DYNC2LI1: variants seen among roughly 807,000 people sequenced by gnomAD.
DYNC2LI1 encodes dynein cytoplasmic 2 light intermediate chain 1, also known as cytoplasmic dynein 2 light intermediate chain 1.
DYNC2LI1 carries 45 observed loss-of-function variants against 51.9 expected under a neutral mutation model. That is an observed-to-expected ratio of 0.87 (90% CI 0.68 to 1.11). DYNC2LI1 has a LOEUF of 1.11. Among genes scored for constraint, DYNC2LI1 ranks in the 50% most tolerant of loss-of-function variants. DYNC2LI1 has a pLI of 0.00. For synonymous variants in DYNC2LI1, 130 were observed against 137.8 expected, an observed-to-expected ratio of 0.94 and a Z score of 0.40; for missense variants, 490 against 417.4, an observed-to-expected ratio of 1.17 and a Z score of -1.51.
At chr2:43,788,610 CT>C (rs1481658749) in intron 4 of DYNC2LI1, among the ~76,000 whole-genome samples, 1 of 152,084 alleles carries the variant, frequency 6.6e-6, no homozygotes, top group African/African-American at 2.4e-5. Context: ...ATCAGTGGTC[CT>C]TTTTCTTTTC....
chr2:43,820,163 C>T, the DYNC2LI1 span: 1 of 1,541,260 alleles, frequency 6.5e-7, no homozygotes, highest in Non-Finnish European at 8.8e-7. Context: ...AAATACTGCA[C>T]TTGCCTCTGT....
chr2:43,780,295 C>T (rs1673218452), intron 2 of DYNC2LI1, among the ~76,000 whole-genome samples: 1 of 152,156 alleles, frequency 6.6e-6, no homozygotes, highest in African/African-American at 2.4e-5. Flanking sequence ...GGGAAAAGGC[C>T]TCCATTGGGA....
At chr2:43,794,780 T>G (rs1673959045) in intron 6 of DYNC2LI1, 137 bp downstream of exon 6, 2 of 1,511,088 alleles carry the variant, frequency 1.3e-6, no homozygotes, top group Non-Finnish European at 1.8e-6. Flanking sequence ...CACTGGAAAA[T>G]TACAGCAATT....
chr2:43,806,263 A>C (rs1481802113), intron 12 of DYNC2LI1, among the ~76,000 whole-genome samples: 1 of 152,170 alleles, frequency 6.6e-6, no homozygotes, highest in Non-Finnish European at 1.5e-5. Context: ...ATCTGTCCTT[A>C]TATGAGTAAA....
Position 43,809,994 on chromosome 2 carries a change from C to T in DYNC2LI1, c.*227C>T. On this transcript the variant is annotated 3_prime_UTR_variant, in exon 13 of 13. Transcript: ENST00000260605. ...ATTTTTTTTAAAATAAAAGAATCTT[C>T]TACTACCTACCTCTAACATGTTTAA... is the stretch of plus-strand genomic sequence containing the variant. 1 of 1,182,914 alleles carries T rather than the reference C, an allele frequency of 8.5e-7. No individual in the cohort carries two copies. The highest frequency in any genetic ancestry group is 1.1e-6 in the Non-Finnish European group (1 of 924,860). The allele number at this position is 1,182,914 out of a possible 1,614,324, so 73.3% of individuals were successfully genotyped here.
chr2:43,774,279 C>A, intron 1 of DYNC2LI1, 133 bp downstream of exon 1: 1 of 1,200,922 alleles, frequency 8.3e-7, no homozygotes, highest in Non-Finnish European at 1.2e-6. Flanking sequence ...GGTCGGGGAC[C>A]TAGGAATCAG....
the DYNC2LI1 span, chr2:43,823,006 T>C: frequency 6.9e-6 from 11 of 1,587,024 alleles, no homozygotes; most frequent in Admixed American, 1.9e-4. Context: ...TAGCCCAAGC[T>C]GAATGTGAGG....
At chr2:43,802,819 C>A (rs1666118381) in intron 10 of DYNC2LI1, among the ~76,000 whole-genome samples, 1 of 151,930 alleles carries the variant, frequency 6.6e-6, no homozygotes, top group South Asian at 2.1e-4. Context: ...ATAAACTCAA[C>A]AGAAAAATAA....
At chr2:43,792,673 C>T (rs944253762) in intron 5 of DYNC2LI1, 1 of 1,541,610 alleles carries the variant, frequency 6.5e-7, no homozygotes, top group Non-Finnish European at 8.7e-7. Flanking sequence ...TTTCCTTCCC[C>T]AGCTCCTGGC....
intron 2 of DYNC2LI1, among the ~76,000 whole-genome samples, chr2:43,779,944 C>T (rs1673195791): frequency 6.6e-6 from 1 of 152,098 alleles, no homozygotes; most frequent in Non-Finnish European, 1.5e-5. Flanking sequence ...GCAGTCTTTG[C>T]TGGTTGGGTA....
the DYNC2LI1 span, among the ~76,000 whole-genome samples, chr2:43,815,026 G>T: frequency 1.3e-5 from 2 of 152,106 alleles, no homozygotes; most frequent in Non-Finnish European, 2.9e-5. Flanking sequence ...ACTTATTTTG[G>T]TAAGCACTAC....
Position 43,793,302 on chromosome 2 carries a change from C to T in DYNC2LI1, c.321-1155C>T, listed in dbSNP as rs192575101. The T allele has an allele frequency of 9.0e-3, 1,371 of 152,410 alleles. 10 individuals are homozygous for T. Among genetic ancestry groups the T allele is most frequent in the Non-Finnish European group, 0.015 (1,017 of 68,202 alleles). The allele number at this position is 152,410 out of a possible 1,614,324, so 9.4% of individuals were successfully genotyped here. ...CAGCCTGGGCAACATGGTGAAACCT[C>T]GTCTCTACTAAAAATACAAAAATTA... On this transcript the variant is annotated intron_variant, in intron 5 of 12. Transcript: ENST00000260605.
In DYNC2LI1 at chr2:43,794,433, TGAAAAG is replaced by T. The variant is rs1473716650; in HGVS notation, c.321-23_321-18del. ...AATGGTAATTATTTTGAGTCTTTTT[TGAAAAG>T]TGTTTTTATTTCTTTAGGACGTTTT... On this transcript the variant is annotated intron_variant, in intron 5 of 12. Coordinates refer to ENST00000260605, the MANE Select transcript of DYNC2LI1 (RefSeq NM_016008.4). The T allele has an allele frequency of 2.5e-6, 4 of 1,579,312 alleles. No homozygotes were observed. The Admixed American group carries it at 5.6e-5, about 22-fold the overall frequency.
At chr2:43,792,407 A>T (rs1352463250) in intron 5 of DYNC2LI1, among the ~76,000 whole-genome samples, 1 of 152,164 alleles carries the variant, frequency 6.6e-6, no homozygotes, top group Non-Finnish European at 1.5e-5. Context: ...TCAAGGATAT[A>T]TTGGTTATAT....
chr2:43,779,297 T>A (rs1277724772), intron 2 of DYNC2LI1, among the ~76,000 whole-genome samples: 1 of 152,152 alleles, frequency 6.6e-6, no homozygotes, highest in Non-Finnish European at 1.5e-5. Flanking sequence ...CTGATTCTGC[T>A]TCATGGAGAA....
chr2:43,820,138 G>A, the DYNC2LI1 span: 177 of 1,593,508 alleles, frequency 1.1e-4, no homozygotes, highest in Non-Finnish European at 1.4e-4. Flanking sequence ...CTCTCCAAGG[G>A]CTATCATTTA....
chr2:43,776,965 C>T, intron 2 of DYNC2LI1, 66 bp downstream of exon 2: 1 of 837,588 alleles, frequency 1.2e-6, no homozygotes, highest in Non-Finnish European at 1.9e-6. Context: ...TCTGTTAATA[C>T]TTTGATTAAA....
Position 43,794,531 on chromosome 2 carries a change from A to G in DYNC2LI1, c.395A>G (p.Gln132Arg), listed in dbSNP as rs1309879265. Residue 132 changes from glutamine (Q) to arginine (R), a missense_variant, in exon 6 of 13, where the codon CAA (glutamine) becomes CGA (arginine). Transcript: ENST00000260605. ...TGGCCCACCATGGAAAATCTCTTGC[A>G]AGCCACAAAAAGCCATGTAGACAAA... ...DLWPTMENLL[Q>R]ATKSHVDKVI... is the part of the protein sequence containing the mutation. 2 of 1,613,974 alleles carry G rather than the reference A, an allele frequency of 1.2e-6. No homozygotes were observed. The highest frequency in any genetic ancestry group is 1.7e-6 in the Non-Finnish European group (2 of 1,180,006).
chr2:43,794,843 T>C, intron 6 of DYNC2LI1, 200 bp downstream of exon 6: 2 of 1,440,020 alleles, frequency 1.4e-6, no homozygotes, highest in South Asian at 3.1e-5. Context: ...TATATCTTCT[T>C]GTTAGACATC....
Sources: allele counts gnomAD v4.1 joint callset (sites outside exome capture counted in the v4.1 genomes callset), GRCh38; gene constraint gnomAD v4.1.1; transcripts MANE v1.5; gene names NCBI Gene and HGNC (gene_info 2026-07-23, HGNC 2026-07-21).